The following ACAD9 variants were observed in gnomAD, a reference collection of about 807,000 sequenced individuals.
The protein encoded by ACAD9 is complex I assembly factor ACAD9, mitochondrial.
ACAD9 carries 53 observed loss-of-function variants against 70.2 expected under a neutral mutation model. The observed-to-expected ratio is 0.75, with a 90% CI of 0.61 to 0.95. The LOEUF (loss-of-function observed/expected upper bound fraction) is 0.95. Among genes scored for constraint, ACAD9 ranks in the 40% least tolerant of loss-of-function variants. The probability of loss-of-function intolerance (pLI) is 0.00; values close to 1 mark genes in which losing one functional copy is unlikely to be tolerated. For synonymous variants in ACAD9, 313 were observed against 312.1 expected (o/e 1.00, Z -0.03); for missense variants, 777 against 802.8 (o/e 0.97, Z 0.39).
chr3:128,912,466 G>A (rs1008094791), intron 17 of ACAD9, 41 bp from the exon 18 acceptor site: 2 of 1,568,036 alleles, frequency 1.3e-6, no homozygotes, highest in African/African-American at 2.7e-5. Context: ...TCTTATCACG[G>A]TGCAGAAAGA....
rs376861201 is a variant in ACAD9, at chr3:128,902,540, G to T, written c.883-13G>T. Reference sequence around the variant, plus strand: ...CCTTCAGGGCCCCTGGGCTCTCCCTGTTCTCCCTGCAGGTGGCCATGAACA... The same window carrying T: ...CCTTCAGGGCCCCTGGGCTCTCCCTTTTCTCCCTGCAGGTGGCCATGAACA... On this transcript the variant is annotated splice_polypyrimidine_tract_variant and intron_variant, in intron 8 of 17. Coordinates refer to ENST00000308982, the MANE Select transcript of ACAD9 (RefSeq NM_014049.5). This position sits in a 1 kb window ranked among gnomAD's most constrained non-coding sequence, Gnocchi z 4.0. 6.2e-7 allele frequency: 1 copy of T among 1,614,102 alleles called. No individual in the cohort carries two copies. The highest frequency in any genetic ancestry group is 8.5e-7 in the Non-Finnish European group (1 of 1,179,964).
intron 2 of ACAD9, among the ~76,000 whole-genome samples, chr3:128,888,396 T>C (rs556077729): frequency 2.6e-5 from 4 of 152,032 alleles, no homozygotes; most frequent in Non-Finnish European, 5.9e-5. Context: ...CTGGCCAACA[T>C]AGTGAAACCC....
intron 2 of ACAD9, among the ~76,000 whole-genome samples, 186 bp downstream of exon 2, chr3:128,884,932 C>G (rs944285112): frequency 2.0e-4 from 30 of 152,316 alleles, no homozygotes; most frequent in African/African-American, 6.5e-4. Flanking sequence ...AAATGCTTCT[C>G]ATTGTATTTG....
At chr3:128,890,582 G>A (rs1388475148) in intron 2 of ACAD9, among the ~76,000 whole-genome samples, 1 of 151,574 alleles carries the variant, frequency 6.6e-6, no homozygotes, top group African/African-American at 2.4e-5. Flanking sequence ...GGTGCCTGTA[G>A]TCCCAGCTAC....
rs1463575671 is a variant in ACAD9, at chr3:128,884,685, A to G, written c.183A>G (p.Gln61=). 1.9e-6 allele frequency: 3 copies of G among 1,612,738 alleles called. No individual in the cohort carries two copies. The highest frequency in any genetic ancestry group is 1.3e-5 in the African/African-American group (1 of 74,908). Residue 61 remains glutamine (Q), a synonymous_variant, in exon 2 of 18, where the codon CAA becomes CAG. Transcript: ENST00000308982. ...TTTTCCCATTTCCAGAAGTTAGCCA[A>G]GATGAACTTAATGAAATCAATCAGT... ...KEVFPFPEVS[Q]DELNEINQFL...
chr3:128,907,543 C>A (rs945585278), intron 12 of ACAD9, among the ~76,000 whole-genome samples: 2 of 152,112 alleles, frequency 1.3e-5, no homozygotes, highest in Non-Finnish European at 2.9e-5. Flanking sequence ...CCCCCCTTTT[C>A]CTGTAGGGAG....
rs1345914934 is a variant in ACAD9, at chr3:128,913,028, C to G, written c.*421C>G. The G allele has an allele frequency of 1.1e-5, 5 of 457,612 alleles. No homozygotes were observed. Among genetic ancestry groups the G allele is most frequent in the Non-Finnish European group, 2.2e-5 (5 of 229,022 alleles). The allele number at this position is 457,612 out of a possible 1,614,324, so 28.3% of individuals were successfully genotyped here. A position where few individuals can be genotyped will look rare whatever the true frequency, so the allele number is the denominator to read the frequency against. ...GCTTGAAAGCTCTGTCTGGGTCATT[C>G]ATTTAAACTAGAAGCAGAGGCACTT... On this transcript the variant is annotated 3_prime_UTR_variant, in exon 18 of 18. Coordinates refer to ENST00000308982, the MANE Select transcript of ACAD9 (RefSeq NM_014049.5).
chr3:128,883,559 T>C (rs1157342066), intron 1 of ACAD9, among the ~76,000 whole-genome samples: 1 of 152,090 alleles, frequency 6.6e-6, no homozygotes, highest in African/African-American at 2.4e-5. Context: ...GGTTTCACCA[T>C]GTTGGTCAGG....
chr3:128,886,737 A>T (rs1049527757), intron 2 of ACAD9, among the ~76,000 whole-genome samples: 1 of 129,800 alleles, frequency 7.7e-6, no homozygotes, highest in African/African-American at 3.2e-5. Context: ...AAAGTAAGTT[A>T]AAAAAAAAAA....
At chr3:128,910,386 C>A in intron 16 of ACAD9, 1 of 1,443,734 alleles carries the variant, frequency 6.9e-7, no homozygotes. Flanking sequence ...TGCCCCTACC[C>A]CCAGCAAGGG....
intron 2 of ACAD9, among the ~76,000 whole-genome samples, chr3:128,889,637 T>A (rs1935360249): frequency 1.3e-5 from 2 of 152,258 alleles, no homozygotes; most frequent in African/African-American, 4.8e-5. Context: ...CTGGCTTCTT[T>A]CTGCATAATT....
intron 17 of ACAD9, 85 bp from the exon 18 acceptor site, chr3:128,912,420 CTT>C: frequency 1.6e-6 from 2 of 1,240,734 alleles, no homozygotes; most frequent in African/African-American, 1.5e-5. Flanking sequence ...GGTGGGCTGA[CTT>C]TGTGGAAAAA....
chr3:128,901,380 G>A, intron 8 of ACAD9, 31 bp downstream of exon 8: 1 of 1,612,842 alleles, frequency 6.2e-7, no homozygotes, highest in Non-Finnish European at 8.5e-7. Flanking sequence ...CCTTGTACCA[G>A]GTAGTGTCAT....
At chr3:128,897,370 C>T (rs543832774) in intron 5 of ACAD9, among the ~76,000 whole-genome samples, 1 of 152,040 alleles carries the variant, frequency 6.6e-6, no homozygotes, top group South Asian at 2.1e-4. Context: ...TTAGTAGAGA[C>T]GGGGTTTCAC....
chr3:128,885,182 CCA>C (rs1935210241), intron 2 of ACAD9, among the ~76,000 whole-genome samples: 1 of 152,278 alleles, frequency 6.6e-6, no homozygotes, highest in Admixed American at 6.5e-5. Flanking sequence ...TGTGGACCAG[CCA>C]CAGTTTGGCA....
chr3:128,899,061 G>A (rs1173401364), intron 6 of ACAD9, among the ~76,000 whole-genome samples: 2 of 151,110 alleles, frequency 1.3e-5, no homozygotes, highest in Non-Finnish European at 2.9e-5. Flanking sequence ...CCCCGCCCCC[G>A]CCTCCACCTG....
In ACAD9 at chr3:128,902,517, T is replaced by G; in HGVS notation, c.883-36T>G. 6.2e-7 allele frequency: 1 copy of G among 1,613,454 alleles called. No individual in the cohort carries two copies. Among genetic ancestry groups the G allele is most frequent in the Non-Finnish European group, 8.5e-7 (1 of 1,179,326 alleles). ...GTTGCGGCCTCCTCCCTCTGCCTCC[T>G]TCAGGGCCCCTGGGCTCTCCCTGTT... is the stretch of plus-strand genomic sequence containing the variant. On this transcript the variant is annotated intron_variant, in intron 8 of 17. Coordinates refer to ENST00000308982, the MANE Select transcript of ACAD9 (RefSeq NM_014049.5). The surrounding 1 kb of genome is among the most constrained non-coding windows in gnomAD (Gnocchi z 4.0).
At chr3:128,882,519 G>A (rs1240418091) in intron 1 of ACAD9, among the ~76,000 whole-genome samples, 2 of 152,178 alleles carry the variant, frequency 1.3e-5, no homozygotes, top group African/African-American at 4.8e-5. Flanking sequence ...ACTGGGATTA[G>A]AGCAGAAACA....
At chr3:128,898,201 C>T (rs1374415914) in intron 6 of ACAD9, among the ~76,000 whole-genome samples, 4 of 152,192 alleles carry the variant, frequency 2.6e-5, no homozygotes, top group Admixed American at 1.3e-4. Context: ...CACAAAGTTT[C>T]AGACATATTC....
Sources: allele counts gnomAD v4.1 joint callset (sites outside exome capture counted in the v4.1 genomes callset), GRCh38; gene constraint gnomAD v4.1.1; non-coding constraint Gnocchi (gnomAD v3.1); transcripts MANE v1.5; gene names NCBI Gene and HGNC (gene_info 2026-07-23, HGNC 2026-07-21).